The following SNTG1 variants were observed in gnomAD, a reference collection of about 807,000 sequenced individuals.
SNTG1 encodes gamma-1-syntrophin.
SNTG1 carries 39 observed loss-of-function variants against 74.7 expected under a neutral mutation model. The observed-to-expected ratio is 0.52, with a 90% CI of 0.40 to 0.68. The LOEUF is 0.68. SNTG1 is among the 30% of genes least tolerant of loss of function. The pLI is 0.00. For synonymous variants in SNTG1, 254 were observed against 217.1 expected (o/e 1.17, Z -1.49); for missense variants, 685 against 609.5 (o/e 1.12, Z -1.30).
chr8:49,997,352 A>G (rs928133787), intron 1 of SNTG1, among the ~76,000 whole-genome samples: 1 of 152,072 alleles, frequency 6.6e-6, no homozygotes, highest in African/African-American at 2.4e-5. Context: ...GATTATTCCC[A>G]TAAGTATATA....
At chr8:49,985,046 C>T (rs991033664) in intron 1 of SNTG1, among the ~76,000 whole-genome samples, 6 of 152,032 alleles carry the variant, frequency 3.9e-5, no homozygotes, top group Middle Eastern at 3.4e-3. Flanking sequence ...GGATTAGATT[C>T]CTAAGGTACT....
At chr8:50,646,751 A>G (rs1436922642) in intron 13 of SNTG1, among the ~76,000 whole-genome samples, 1 of 152,174 alleles carries the variant, frequency 6.6e-6, no homozygotes, top group Admixed American at 6.5e-5. Flanking sequence ...AAAGACCCAG[A>G]AAAACCAACA....
At chr8:50,240,772 G>A (rs556596706) in intron 2 of SNTG1, among the ~76,000 whole-genome samples, 105 of 152,164 alleles carry the variant, frequency 6.9e-4, no homozygotes, top group South Asian at 1.5e-3. Context: ...AAGAAAATAA[G>A]TTTATATAAA....
intron 2 of SNTG1, among the ~76,000 whole-genome samples, chr8:50,232,176 TA>T (rs1238565714): frequency 2.6e-5 from 4 of 151,438 alleles, no homozygotes; most frequent in Admixed American, 2.6e-4. Context: ...CAATATGTCT[TA>T]AAAATATAGA....
At chr8:50,071,852 A>G (rs1214356502) in intron 1 of SNTG1, among the ~76,000 whole-genome samples, 1 of 152,124 alleles carries the variant, frequency 6.6e-6, no homozygotes, top group Non-Finnish European at 1.5e-5. Flanking sequence ...ATGCAACAAT[A>G]AAAAGTTTCA....
intron 8 of SNTG1, among the ~76,000 whole-genome samples, chr8:50,456,702 G>A (rs1428308048): frequency 2.6e-5 from 4 of 151,952 alleles, no homozygotes; most frequent in African/African-American, 9.7e-5. Context: ...AAATTTAGAG[G>A]GACACAAACA....
chr8:50,045,357 C>T (rs11986031), intron 1 of SNTG1, among the ~76,000 whole-genome samples: 16,684 of 152,166 alleles, frequency 0.11, 2,349 homozygotes, highest in African/African-American at 0.32. Context: ...AGGCACATCA[C>T]GTGCTCAGAG....
chr8:50,445,909 G>A (rs1052917433), intron 5 of SNTG1, among the ~76,000 whole-genome samples: 2 of 152,140 alleles, frequency 1.3e-5, no homozygotes, highest in Non-Finnish European at 2.9e-5. Flanking sequence ...CTACATAAGT[G>A]TATTATTTCA....
At chr8:50,781,064 A>T (rs1027285248) in intron 18 of SNTG1, among the ~76,000 whole-genome samples, 2 of 152,184 alleles carry the variant, frequency 1.3e-5, no homozygotes, top group African/African-American at 4.8e-5. Context: ...CTGTGGTCTG[A>T]GAGACAGTTT....
chr8:50,192,379 C>A (rs1374629384), intron 2 of SNTG1, among the ~76,000 whole-genome samples: 1 of 152,006 alleles, frequency 6.6e-6, no homozygotes, highest in Non-Finnish European at 1.5e-5. Flanking sequence ...TGTTGTTACA[C>A]CATCATGTAA....
At chr8:50,471,213 C>T (rs2131745437) in intron 8 of SNTG1, among the ~76,000 whole-genome samples, 1 of 150,302 alleles carries the variant, frequency 6.7e-6, no homozygotes, top group Non-Finnish European at 1.5e-5. Context: ...GTGGTAGAAA[C>T]ATCCCAAGCA....
chr8:50,567,991 A>G (rs1394333777), intron 12 of SNTG1, among the ~76,000 whole-genome samples: 2 of 151,392 alleles, frequency 1.3e-5, no homozygotes, highest in Admixed American at 6.6e-5. Context: ...ACCTCTCCCA[A>G]TTCTCCCCTT....
At chr8:50,348,832 T>C (rs899194597) in intron 2 of SNTG1, among the ~76,000 whole-genome samples, 1 of 152,194 alleles carries the variant, frequency 6.6e-6, no homozygotes, top group African/African-American at 2.4e-5. Context: ...ATCATGTCTA[T>C]TTTATGGACA....
In SNTG1 at chr8:50,565,970, T is replaced by A. The variant is rs138727634; in HGVS notation, c.810+12791T>A. Among the ~76,000 whole-genome samples, 1,014 of 152,078 alleles carry A rather than the reference T, an allele frequency of 6.7e-3. 12 individuals carry two copies. Among genetic ancestry groups the A allele is most frequent in the African/African-American group, 0.022 (924 of 41,532 alleles). Reference sequence around the variant, plus strand: ...TACAATCATAGCAATGGATATTATTTTTTTACGGAAATTTTCACTTGTCTA... The same window carrying A: ...TACAATCATAGCAATGGATATTATTATTTTACGGAAATTTTCACTTGTCTA... On this transcript the variant is annotated intron_variant, in intron 12 of 18. Coordinates refer to ENST00000642720, the MANE Select transcript of SNTG1 (RefSeq NM_018967.5).
intron 1 of SNTG1, among the ~76,000 whole-genome samples, chr8:49,925,088 G>C (rs1806900704): frequency 6.6e-6 from 1 of 152,058 alleles, no homozygotes; most frequent in Non-Finnish European, 1.5e-5. Flanking sequence ...AGGAGTTCAA[G>C]GCTGCAGTGA....
intron 8 of SNTG1, among the ~76,000 whole-genome samples, chr8:50,457,362 T>C (rs985938593): frequency 6.6e-6 from 1 of 152,160 alleles, no homozygotes; most frequent in Non-Finnish European, 1.5e-5. Context: ...AAATGCACCA[T>C]GCTGATGCAA....
intron 2 of SNTG1, among the ~76,000 whole-genome samples, chr8:50,360,968 CCTTAT>C (rs2091939445): frequency 6.6e-6 from 1 of 152,050 alleles, no homozygotes; most frequent in Admixed American, 6.6e-5. Context: ...TTAATAAAAA[CCTTAT>C]CTTACTGTAA....
intron 1 of SNTG1, among the ~76,000 whole-genome samples, chr8:50,005,795 C>A (rs1585859395): frequency 6.6e-6 from 1 of 151,866 alleles, no homozygotes; most frequent in African/African-American, 2.4e-5. Flanking sequence ...CTAGGCTATA[C>A]TATTTTTTTT....
chr8:50,608,714 G>A (rs528992746), intron 13 of SNTG1, among the ~76,000 whole-genome samples: 1 of 151,712 alleles, frequency 6.6e-6, no homozygotes, highest in South Asian at 2.1e-4. Context: ...AAATAATTAT[G>A]GATATGCTTA....
Sources: allele counts gnomAD v4.1 joint callset (sites outside exome capture counted in the v4.1 genomes callset), GRCh38; gene constraint gnomAD v4.1.1; transcripts MANE v1.5; gene names NCBI Gene and HGNC (gene_info 2026-07-23, HGNC 2026-07-21).